Variants in BPHL observed in about 807,000 individuals in gnomAD.
BPHL encodes biphenyl hydrolase like, also known as serine hydrolase BPHL.
BPHL carries 27 observed loss-of-function variants against 31.2 expected under a neutral mutation model. The ratio of observed to expected loss-of-function variants is 0.87; its 90% CI spans 0.64 to 1.19. The LOEUF is 1.19. BPHL is among the 50% of genes most tolerant of loss of function. The pLI is 0.00. For synonymous variants in BPHL, 150 were observed against 146.8 expected (o/e 1.02, Z -0.16); for missense variants, 356 against 375.7 (o/e 0.95, Z 0.43).
chr6:3,119,026 G>A lies in BPHL; in HGVS notation c.107+179G>A, dbSNP rs958897848. 7.3e-5 allele frequency among the ~76,000 whole-genome samples: 11 copies of A among 151,606 alleles called. No homozygotes were observed. In the South Asian group the frequency reaches 1.0e-3, roughly 14 times the overall value. On this transcript the variant is annotated intron_variant, in intron 1 of 6. Transcript: ENST00000380379. ...CGATCCTGGGGGCCAGCCGCGCTTG[G>A]TGCTCGAGCCCCTCGATCGTGCATG...
chr6:3,134,987 T>G (rs1175914160), intron 4 of BPHL, among the ~76,000 whole-genome samples: 1 of 152,212 alleles, frequency 6.6e-6, no homozygotes, highest in Admixed American at 6.5e-5. Flanking sequence ...TCCACCCACC[T>G]CAACCTTCCG....
intron 6 of BPHL, among the ~76,000 whole-genome samples, chr6:3,141,415 T>C (rs1762171818): frequency 1.3e-5 from 2 of 152,196 alleles, no homozygotes; most frequent in Admixed American, 1.3e-4. Flanking sequence ...TCACCTGGGC[T>C]GGAGTGCAGT....
intron 6 of BPHL, among the ~76,000 whole-genome samples, chr6:3,150,900 C>T (rs957037055): frequency 6.6e-6 from 1 of 152,238 alleles, no homozygotes; most frequent in Non-Finnish European, 1.5e-5. Flanking sequence ...TTCATCCATT[C>T]ATCCATCCAG....
At chr6:3,133,522 C>T (rs1437977093) in intron 4 of BPHL, among the ~76,000 whole-genome samples, 1 of 152,160 alleles carries the variant, frequency 6.6e-6, no homozygotes, top group Non-Finnish European at 1.5e-5. Flanking sequence ...CGGCCTCTGC[C>T]TCTCCAGGTC....
At chr6:3,119,641 T>C in intron 1 of BPHL, 1 of 1,275,932 alleles carries the variant, frequency 7.8e-7, no homozygotes, top group Non-Finnish European at 1.1e-6. Flanking sequence ...CTTTATTCTC[T>C]ACATACATCC....
chr6:3,146,727 A>G (rs1762389653), intron 6 of BPHL, among the ~76,000 whole-genome samples: 1 of 122,958 alleles, frequency 8.1e-6, no homozygotes, highest in African/African-American at 3.3e-5. Flanking sequence ...GTTTGGGTTG[A>G]GTGCTGGTTT....
At chr6:3,122,366 C>A (rs1055877061) in intron 1 of BPHL, among the ~76,000 whole-genome samples, 2 of 152,230 alleles carry the variant, frequency 1.3e-5, no homozygotes, top group Admixed American at 6.5e-5. Context: ...GAGAGCGCCT[C>A]CTTCTGGCAT....
intron 4 of BPHL, among the ~76,000 whole-genome samples, chr6:3,134,664 G>A (rs1419506518): frequency 3.4e-5 from 5 of 147,530 alleles, no homozygotes; most frequent in African/African-American, 5.1e-5. Flanking sequence ...GCGCAGTGGC[G>A]TGATCTCGGC....
At chr6:3,123,787 T>G (rs1761642237) in intron 2 of BPHL, 27 bp downstream of exon 2, 2 of 1,578,168 alleles carry the variant, frequency 1.3e-6, no homozygotes, top group Non-Finnish European at 1.7e-6. Context: ...ATGGAATGTT[T>G]TTGCATGCTG....
rs1228433444 is a variant in BPHL, at chr6:3,149,129, G to A, written c.789-3359G>A. 6.6e-6 allele frequency among the ~76,000 whole-genome samples: 1 copy of A among 152,186 alleles called. No individual in the cohort carries two copies. The highest frequency in any genetic ancestry group is 1.5e-5 in the Non-Finnish European group (1 of 68,050). Reference sequence around the variant, plus strand: ...ATTCTATTACTGTCCGCATTTTCCAGATGAGGAATTGTGACTCAGGGAGAT... The same window carrying A: ...ATTCTATTACTGTCCGCATTTTCCAAATGAGGAATTGTGACTCAGGGAGAT... On this transcript the variant is annotated intron_variant, in intron 6 of 6. Transcript: ENST00000380379. The surrounding 1 kb of genome is among the most constrained non-coding windows in gnomAD (Gnocchi z 4.6).
At position 3,127,468 on chromosome 6, in the gene BPHL, T is replaced by G. The variant is rs111927682; in HGVS notation, c.378+60T>G. 1.8e-3 allele frequency: 2,482 copies of G among 1,364,222 alleles called. 5 individuals carry two copies. The highest frequency in any genetic ancestry group is 2.3e-3 in the Non-Finnish European group (2,383 of 1,023,958). The allele number at this position is 1,364,222 out of a possible 1,614,324, so 84.5% of individuals were successfully genotyped here. ...GTGGCTGGGCCTGTCTTCATTTATT[T>G]TGTTTAAATTTTGTTGTTATATTTT... On this transcript the variant is annotated intron_variant, in intron 3 of 6. Transcript: ENST00000380379.
intron 6 of BPHL, among the ~76,000 whole-genome samples, chr6:3,145,008 G>A (rs1762286472): frequency 1.3e-5 from 2 of 152,238 alleles, no homozygotes; most frequent in Non-Finnish European, 1.5e-5. Flanking sequence ...GCACCAGCAG[G>A]GGACTCAGAC....
intron 5 of BPHL, among the ~76,000 whole-genome samples, chr6:3,137,731 GC>G (rs1475727186): frequency 1.3e-5 from 2 of 152,168 alleles, no homozygotes; most frequent in African/African-American, 4.8e-5. Flanking sequence ...GTCTTTAATA[GC>G]AGACTGCTCT....
intron 6 of BPHL, among the ~76,000 whole-genome samples, chr6:3,147,587 G>A (rs916165608): frequency 2.6e-5 from 4 of 152,006 alleles, no homozygotes; most frequent in African/African-American, 7.3e-5. Flanking sequence ...CATTATTAGT[G>A]TAGGTATATG....
Position 3,127,292 on chromosome 6 carries a change from C to G in BPHL, c.262C>G (p.Leu88Val). 1 of 1,602,552 alleles carries G rather than the reference C, an allele frequency of 6.2e-7. No individual in the cohort carries two copies. The highest frequency in any genetic ancestry group is 8.5e-7 in the Non-Finnish European group (1 of 1,173,130). Residue 88 changes from leucine to valine, a missense_variant, in exon 3 of 7, where the codon CTC (leucine) becomes GTC (valine). Coordinates refer to ENST00000380379, the MANE Select transcript of BPHL (RefSeq NM_004332.4). ...TCAGCTCAAGAACCTCAATAAGAAG[C>G]TCTTCACGGTGGTCGCCTGGGATCC... ...GPQLKNLNKK[L>V]FTVVAWDPRG...
intron 4 of BPHL, among the ~76,000 whole-genome samples, chr6:3,131,167 A>G (rs1761858118): frequency 6.6e-6 from 1 of 152,108 alleles, no homozygotes; most frequent in African/African-American, 2.4e-5. Context: ...AAACTTATGG[A>G]AAGAGCCACC....
At chr6:3,132,809 T>C (rs1262062796) in intron 4 of BPHL, among the ~76,000 whole-genome samples, 6 of 152,086 alleles carry the variant, frequency 3.9e-5, no homozygotes, top group African/African-American at 1.4e-4. Context: ...GTAGCTTGGG[T>C]GACAGAGGCG....
rs1334412948 is a variant in BPHL, at chr6:3,135,285, G to A, written c.533-2077G>A. Among the ~76,000 whole-genome samples the A allele has an allele frequency of 2.0e-5, 3 of 152,332 alleles. No individual in the cohort carries two copies. In the East Asian group the frequency reaches 5.8e-4, roughly 29 times the overall value. On this transcript the variant is annotated intron_variant, in intron 4 of 6. Coordinates refer to ENST00000380379, the MANE Select transcript of BPHL (RefSeq NM_004332.4). The stretch of plus-strand genomic sequence containing the variant: ...ACCTTTTCTGTAAGTCTGTTTAGCT[G>A]AGTGTGGAAATGGAAGTGGAAAATC...
chr6:3,137,316 T>A, intron 4 of BPHL, 46 bp from the exon 5 acceptor site: 3 of 1,602,722 alleles, frequency 1.9e-6, no homozygotes, highest in Non-Finnish European at 2.6e-6. Flanking sequence ...AGACAATACT[T>A]TAGTATGAAA....
Sources: gnomAD v4.1 joint callset for allele counts (sites outside exome capture counted in the v4.1 genomes callset) on GRCh38, gnomAD v4.1.1 for gene constraint, Gnocchi (gnomAD v3.1) non-coding constraint, MANE v1.5 for transcripts, NCBI Gene and HGNC (gene_info 2026-07-23, HGNC 2026-07-21) for gene names.